Variants in KCNT2 observed in about 807,000 individuals in gnomAD.
KCNT2 encodes the protein potassium channel subfamily T member 2.
KCNT2 carries 67 observed loss-of-function variants against 153.8 expected under a neutral mutation model. That is an observed-to-expected ratio of 0.44 (90% confidence interval 0.36 to 0.53). KCNT2 has a LOEUF of 0.53. Among genes scored for constraint, KCNT2 ranks in the 20% least tolerant of loss-of-function variants. KCNT2 has a pLI of 0.00. For synonymous variants in KCNT2, 500 were observed against 458.8 expected (o/e 1.09, Z -1.15); for missense variants, 975 against 1,354.8 (o/e 0.72, Z 4.40).
intron 13 of KCNT2, among the ~76,000 whole-genome samples, chr1:196,388,323 C>T (rs921021209): frequency 2.0e-5 from 3 of 151,700 alleles, no homozygotes; most frequent in Admixed American, 6.6e-5. Context: ...AGTAAAGCTT[C>T]ACAACAGAGG....
At chr1:196,240,817 G>T (rs1326454105) in intron 26 of KCNT2, among the ~76,000 whole-genome samples, 1 of 152,032 alleles carries the variant, frequency 6.6e-6, no homozygotes, top group Non-Finnish European at 1.5e-5. Flanking sequence ...TAAGGATCGA[G>T]GGGAAGGCTG....
rs564832823 is a variant in KCNT2 at position 196,453,339 on chromosome 1, A to T, written c.638+11954T>A. ...CAGCAACATTGAGGGATGCTTTTTG[A>T]CTCCTTGGATCTCCAAAGTCAGTGA... On this transcript the variant is annotated intron_variant, in intron 8 of 27. Coordinates refer to ENST00000294725, the MANE Select transcript of KCNT2 (RefSeq NM_198503.5). Among the ~76,000 whole-genome samples the T allele has an allele frequency of 1.5e-4, 23 of 151,196 alleles. 1 individual carries two copies. Among genetic ancestry groups the T allele is most frequent in the African/African-American group, 2.2e-4 (9 of 41,236 alleles).
chr1:196,581,348 T>C (rs1362801622), intron 1 of KCNT2, among the ~76,000 whole-genome samples: 1 of 152,130 alleles, frequency 6.6e-6, no homozygotes, highest in East Asian at 1.9e-4. Context: ...TATAAATATC[T>C]AGATCTGGAC....
chr1:196,366,839 G>A (rs1031090159), intron 14 of KCNT2, among the ~76,000 whole-genome samples: 6 of 152,120 alleles, frequency 3.9e-5, no homozygotes, highest in Non-Finnish European at 4.4e-5. Context: ...CTGTCACACA[G>A]TGAATATTCA....
chr1:196,304,245 T>A (rs997480290), intron 22 of KCNT2, among the ~76,000 whole-genome samples: 4 of 152,152 alleles, frequency 2.6e-5, no homozygotes, highest in African/African-American at 9.6e-5. Flanking sequence ...TAGGACAGCA[T>A]CTGGTCTGTC....
At chr1:196,335,153 A>G (rs1403261018) in intron 16 of KCNT2, among the ~76,000 whole-genome samples, 3 of 152,170 alleles carry the variant, frequency 2.0e-5, no homozygotes, top group Non-Finnish European at 2.9e-5. Context: ...TATTTCATTT[A>G]TGTACTCAGT....
intron 25 of KCNT2, among the ~76,000 whole-genome samples, chr1:196,277,474 C>A (rs1383021599): frequency 6.6e-6 from 1 of 152,262 alleles, no homozygotes; most frequent in South Asian, 2.1e-4. Flanking sequence ...ATACTCCTAG[C>A]CCTCAACTCT....
intron 1 of KCNT2, among the ~76,000 whole-genome samples, chr1:196,587,464 T>C (rs1219068207): frequency 6.6e-6 from 1 of 152,028 alleles, no homozygotes; most frequent in Non-Finnish European, 1.5e-5. Flanking sequence ...ATATGACTTT[T>C]ACCTTATATT....
intron 13 of KCNT2, among the ~76,000 whole-genome samples, chr1:196,383,912 A>G (rs1299874120): frequency 6.6e-6 from 1 of 152,160 alleles, no homozygotes; most frequent in Non-Finnish European, 1.5e-5. Context: ...TATACCTTGC[A>G]GCAAATTAGA....
At chr1:196,567,311 T>C (rs1660231746) in intron 1 of KCNT2, among the ~76,000 whole-genome samples, 1 of 152,152 alleles carries the variant, frequency 6.6e-6, no homozygotes. Context: ...TTCTTCTCAG[T>C]GTAACCTCAT....
At chr1:196,281,141 C>T (rs1197521180) in intron 24 of KCNT2, among the ~76,000 whole-genome samples, 153 bp from the exon 25 acceptor site, 1 of 152,182 alleles carries the variant, frequency 6.6e-6, no homozygotes, top group East Asian at 1.9e-4. Flanking sequence ...TGGCTCACTG[C>T]AGACTCAACC....
intron 1 of KCNT2, among the ~76,000 whole-genome samples, chr1:196,522,198 T>G (rs1025929005): frequency 1.1e-4 from 16 of 152,188 alleles, no homozygotes; most frequent in African/African-American, 3.4e-4. Context: ...AATTTTGTCT[T>G]TTTGTATCCT....
intron 1 of KCNT2, among the ~76,000 whole-genome samples, chr1:196,496,755 C>T (rs956649960): frequency 2.6e-5 from 4 of 152,122 alleles, no homozygotes; most frequent in African/African-American, 9.7e-5. Flanking sequence ...CCCACCTGGA[C>T]GGGACGCCAT....
In KCNT2 at chr1:196,231,888, C is replaced by T. The variant is rs116125054; in HGVS notation, c.3297-3553G>A. On this transcript the variant is annotated intron_variant, in intron 27 of 27. Transcript: ENST00000294725. ...AAATAAATATATGCAACACAGCATT[C>T]TAAGAAAGTCATGTTCCAAGTCCAA... Among the ~76,000 whole-genome samples the T allele has an allele frequency of 4.2e-3, 634 of 151,852 alleles. 3 individuals are homozygous for T. Among genetic ancestry groups the T allele is most frequent in the African/African-American group, 0.014 (570 of 41,480 alleles).
At chr1:196,592,887 A>T (rs1170037712) in intron 1 of KCNT2, among the ~76,000 whole-genome samples, 2 of 149,738 alleles carry the variant, frequency 1.3e-5, no homozygotes, top group Non-Finnish European at 3.0e-5. Context: ...TTTAATAAAA[A>T]TTATTTTTAA....
At chr1:196,245,654 A>T (rs111979144) in intron 26 of KCNT2, among the ~76,000 whole-genome samples, 7,671 of 152,324 alleles carry the variant, frequency 0.05, 286 homozygotes, top group Non-Finnish European at 0.071. Flanking sequence ...TAACAAAAAA[A>T]TTAACAAAGA....
chr1:196,508,189 C>CAAAAAAAAAAAAAAAAAAAAA (rs10539910), intron 1 of KCNT2, among the ~76,000 whole-genome samples: 8 of 59,980 alleles, frequency 1.3e-4, no homozygotes, highest in African/African-American at 4.1e-4. Context: ...CCCTAAGTAG[C>CAAAAAAAAAAAAAAAAAAAAA]AAAAAAAAAA....
intron 14 of KCNT2, among the ~76,000 whole-genome samples, chr1:196,359,147 G>GT (rs1448401051): frequency 1.3e-5 from 2 of 151,938 alleles, no homozygotes; most frequent in Non-Finnish European, 2.9e-5. Flanking sequence ...TGAAAGAGGT[G>GT]TAAGTCATCG....
intron 12 of KCNT2, among the ~76,000 whole-genome samples, chr1:196,401,528 A>G (rs1294496584): frequency 6.6e-6 from 1 of 151,820 alleles, no homozygotes; most frequent in East Asian, 1.9e-4. Flanking sequence ...TAGATTAAAA[A>G]GCTGAAGTTT....
Sources: gnomAD v4.1 joint callset for allele counts (sites outside exome capture counted in the v4.1 genomes callset) on GRCh38, gnomAD v4.1.1 for gene constraint, MANE v1.5 for transcripts, NCBI Gene and HGNC (gene_info 2026-07-23, HGNC 2026-07-21) for gene names.